The following LARGE1 variants were observed in gnomAD, a reference collection of about 807,000 sequenced individuals.
LARGE1 encodes the protein LARGE xylosyl- and glucuronyltransferase 1.
In LARGE1, 43 loss-of-function variants were observed where a neutral mutation model predicts 87.6. The ratio of observed to expected loss-of-function variants is 0.49; its 90% CI spans 0.38 to 0.63. LARGE1 has a LOEUF of 0.63. Among genes scored for constraint, LARGE1 ranks in the 30% least tolerant of loss-of-function variants. LARGE1 has a pLI of 0.00. For missense variants in LARGE1, 802 were observed against 1,000.2 expected, an observed-to-expected ratio of 0.80 and a Z score of 2.67; for synonymous variants, 434 against 394.6, an observed-to-expected ratio of 1.10 and a Z score of -1.18.
intron 4 of LARGE1, among the ~76,000 whole-genome samples, chr22:33,617,433 C>A (rs2079612021): frequency 6.6e-6 from 1 of 152,136 alleles, no homozygotes; most frequent in Admixed American, 6.5e-5. Context: ...ATGTTAAGGA[C>A]ATATTTACAC....
chr22:33,694,483 G>A (rs781462657), intron 2 of LARGE1, among the ~76,000 whole-genome samples: 4 of 152,204 alleles, frequency 2.6e-5, no homozygotes, highest in Admixed American at 1.3e-4. Flanking sequence ...ATCATTGTGC[G>A]CCTACTAATG....
intron 5 of LARGE1, among the ~76,000 whole-genome samples, chr22:33,578,902 G>GTTA (rs902220822): frequency 6.6e-6 from 1 of 152,152 alleles, no homozygotes; most frequent in African/African-American, 2.4e-5. Flanking sequence ...TTCCAATGCA[G>GTTA]TTATAATAGA....
At chr22:33,238,304 A>G (rs1926352451) in intron 11 of LARGE1, among the ~76,000 whole-genome samples, 1 of 152,200 alleles carries the variant, frequency 6.6e-6, no homozygotes, top group Non-Finnish European at 1.5e-5. Flanking sequence ...CATAGAGGAT[A>G]AAATAGAGTG....
At chr22:33,363,704 T>C (rs1260444654) in intron 9 of LARGE1, among the ~76,000 whole-genome samples, 1 of 150,052 alleles carries the variant, frequency 6.7e-6, no homozygotes, top group Non-Finnish European at 1.5e-5. Flanking sequence ...TAACAATAAA[T>C]TATAATAAAA....
chr22:33,574,720 G>A (rs1295076866), intron 5 of LARGE1, among the ~76,000 whole-genome samples: 1 of 121,452 alleles, frequency 8.2e-6, no homozygotes, highest in East Asian at 2.0e-4. Context: ...GTGTGTGTGT[G>A]TGTGTGTGTG....
At chr22:33,921,156 G>C (rs2065939798), upstream of LARGE1, among the ~76,000 whole-genome samples, 1 of 151,764 alleles carries the variant, frequency 6.6e-6, no homozygotes, top group Admixed American at 6.6e-5. This position sits in a 1 kb window ranked among gnomAD's most constrained non-coding sequence, Gnocchi z 4.1. Flanking sequence ...CAGCCGCGCG[G>C]ACCGAGAGTT....
the LARGE1 span, among the ~76,000 whole-genome samples, chr22:33,154,068 C>T: frequency 6.6e-6 from 1 of 151,632 alleles, no homozygotes; most frequent in Non-Finnish European, 1.5e-5. Context: ...CAAAATGTTG[C>T]TTAATGTATT....
At chr22:33,327,706 T>C (rs957514778) in intron 10 of LARGE1, among the ~76,000 whole-genome samples, 8 of 151,978 alleles carry the variant, frequency 5.3e-5, no homozygotes, top group South Asian at 4.2e-4. Context: ...CAGGCATGTG[T>C]GGTTTGCTTA....
rs536057444 is a variant in LARGE1 at position 33,917,546 on chromosome 22, T to C, written c.-83+2449A>G. Among the ~76,000 whole-genome samples, 395 of 152,314 alleles carry C rather than the reference T, an allele frequency of 2.6e-3. 1 individual carries two copies. Among genetic ancestry groups the C allele is most frequent in the African/African-American group, 8.9e-3 (369 of 41,556 alleles). ...CCACTGCAGAGACATTTTGAAGCCA[T>C]GTGATTTTATGATGACTGCAGGGAA... On this transcript the variant is annotated intron_variant, in intron 1 of 14. Transcript: ENST00000397394.
intron 6 of LARGE1, among the ~76,000 whole-genome samples, chr22:33,542,783 C>A (rs1343983432): frequency 6.6e-6 from 1 of 151,974 alleles, no homozygotes; most frequent in Non-Finnish European, 1.5e-5. Flanking sequence ...TTTTACTAAT[C>A]ATTCATGCTT....
At chr22:33,848,817 C>A (rs2063504840) in intron 1 of LARGE1, among the ~76,000 whole-genome samples, 1 of 152,222 alleles carries the variant, frequency 6.6e-6, no homozygotes, top group African/African-American at 2.4e-5. Flanking sequence ...TCCCCCTGGG[C>A]AAATCACTTT....
chr22:33,423,939 G>C (rs1411407711), intron 7 of LARGE1, among the ~76,000 whole-genome samples: 2 of 152,118 alleles, frequency 1.3e-5, no homozygotes, highest in African/African-American at 4.8e-5. Flanking sequence ...ACTCAATAAG[G>C]CTACTACAGA....
At chr22:33,851,163 G>A (rs2063572580) in intron 1 of LARGE1, among the ~76,000 whole-genome samples, 1 of 152,222 alleles carries the variant, frequency 6.6e-6, no homozygotes, top group Non-Finnish European at 1.5e-5. Flanking sequence ...AGATAAGGAG[G>A]AGAGATTACT....
chr22:33,402,794 T>C (rs893446602), intron 7 of LARGE1, among the ~76,000 whole-genome samples: 1 of 152,176 alleles, frequency 6.6e-6, no homozygotes, highest in Admixed American at 6.5e-5. Context: ...CACCACTCAC[T>C]GTGACCCAGA....
Position 33,353,399 on chromosome 22 carries a change from C to CT in LARGE1, c.1132-15599dup, listed in dbSNP as rs879900631. On this transcript the variant is annotated intron_variant, in intron 9 of 14. Coordinates refer to ENST00000397394, the MANE Select transcript of LARGE1 (RefSeq NM_133642.5). ...GGAGAATACTTGTTTTTCTTTTTTT[C>CT]TTTTTTTTTTTTTGCCTTGGCAAAA... Among the ~76,000 whole-genome samples the CT allele has an allele frequency of 5.5e-3, 768 of 138,764 alleles. 3 individuals carry two copies. The highest frequency in any genetic ancestry group is 0.011 in the Middle Eastern group (3 of 270). The allele number at this position is 138,764 out of a possible 152,430, so 91.0% of individuals were successfully genotyped here. A position where few individuals can be genotyped will look rare whatever the true frequency, so the allele number is the denominator to read the frequency against.
chr22:33,881,302 CCCCAGAAGT>C (rs1166672671), intron 1 of LARGE1, among the ~76,000 whole-genome samples: 8 of 152,118 alleles, frequency 5.3e-5, no homozygotes, highest in African/African-American at 1.9e-4. Flanking sequence ...GCCCTGGTGC[CCCCAGAAGT>C]CCCTGCACTA....
intron 11 of LARGE1, among the ~76,000 whole-genome samples, chr22:33,195,927 T>C (rs1328463776): frequency 6.6e-6 from 1 of 151,542 alleles, no homozygotes; most frequent in Non-Finnish European, 1.5e-5. Context: ...ACTAATTTTG[T>C]TTTTGTATTT....
chr22:33,688,494 G>A (rs372952539), intron 2 of LARGE1, among the ~76,000 whole-genome samples: 50 of 152,138 alleles, frequency 3.3e-4, no homozygotes, highest in East Asian at 1.4e-3. Context: ...TGGGATTACA[G>A]GCATGCACCA....
chr22:33,754,538 G>A (rs370646248), intron 2 of LARGE1, among the ~76,000 whole-genome samples: 16 of 151,742 alleles, frequency 1.1e-4, no homozygotes, highest in East Asian at 3.9e-4. Context: ...GGGTTTCACC[G>A]TATTCGCCAG....
Sources: allele counts gnomAD v4.1 joint callset (sites outside exome capture counted in the v4.1 genomes callset), GRCh38; gene constraint gnomAD v4.1.1; non-coding constraint Gnocchi (gnomAD v3.1); transcripts MANE v1.5; gene names NCBI Gene and HGNC (gene_info 2026-07-23, HGNC 2026-07-21).